The following CPEB3 variants were observed in gnomAD, a reference collection of about 807,000 sequenced individuals.
CPEB3 encodes the protein cytoplasmic polyadenylation element-binding protein 3.
A neutral mutation model predicts 67.2 loss-of-function variants in CPEB3; 20 were observed. The ratio of observed to expected loss-of-function variants is 0.30; its 90% confidence interval spans 0.21 to 0.43. CPEB3 has a LOEUF of 0.43. CPEB3 is among the 20% of genes least tolerant of loss of function. CPEB3 has a pLI of 1.00. For missense variants in CPEB3, 746 were observed against 968.6 expected, an observed-to-expected ratio of 0.77 and a Z score of 3.05; for synonymous variants, 376 against 393.1, an observed-to-expected ratio of 0.96 and a Z score of 0.51.
At position 92,122,568 on chromosome 10, in the gene CPEB3, T is replaced by C. The variant is rs111829333; in HGVS notation, c.1454-11374A>G. Among the ~76,000 whole-genome samples the C allele has an allele frequency of 2.5e-3, 375 of 152,364 alleles. 2 individuals carry two copies. The highest frequency in any genetic ancestry group is 8.1e-3 in the African/African-American group (336 of 41,592). ...GGGACTACTATCATGAGCAAATTCTTGTTCTTAAGGAGTTTATATACTAGC... is the reference window on the plus strand; with the variant it reads ...GGGACTACTATCATGAGCAAATTCTCGTTCTTAAGGAGTTTATATACTAGC... On this transcript the variant is annotated intron_variant, in intron 6 of 9. Coordinates refer to ENST00000265997, the MANE Select transcript of CPEB3 (RefSeq NM_014912.5).
intron 1 of CPEB3, among the ~76,000 whole-genome samples, chr10:92,260,365 AT>A (rs1852736710): frequency 6.6e-6 from 1 of 151,968 alleles, no homozygotes; most frequent in African/African-American, 2.4e-5. Flanking sequence ...AGCCTGACCA[AT>A]ATGATGAAAC....
At chr10:92,090,675 A>T (rs1410460893) in intron 8 of CPEB3, among the ~76,000 whole-genome samples, 6 of 152,216 alleles carry the variant, frequency 3.9e-5, no homozygotes, top group Non-Finnish European at 5.9e-5. Context: ...CCTAAATATA[A>T]CACTAGTTAG....
chr10:92,225,382 C>T (rs1345548413), intron 2 of CPEB3, among the ~76,000 whole-genome samples: 2 of 152,124 alleles, frequency 1.3e-5, no homozygotes, highest in Non-Finnish European at 2.9e-5. Context: ...TATTCGAAAA[C>T]TGAAAACAGC....
At chr10:92,134,733 T>G (rs1342776019) in intron 6 of CPEB3, among the ~76,000 whole-genome samples, 1 of 151,922 alleles carries the variant, frequency 6.6e-6, no homozygotes, top group Non-Finnish European at 1.5e-5. Flanking sequence ...AGAACAAAGC[T>G]GGAGGCATCA....
chr10:92,090,300 G>A (rs1053961036), intron 8 of CPEB3, among the ~76,000 whole-genome samples: 3 of 152,206 alleles, frequency 2.0e-5, no homozygotes, highest in Non-Finnish European at 2.9e-5. Flanking sequence ...CAACTACTTT[G>A]GGAGGCTGAG....
At chr10:92,132,571 A>G (rs141081529) in intron 6 of CPEB3, among the ~76,000 whole-genome samples, 199 of 152,272 alleles carry the variant, frequency 1.3e-3, no homozygotes, top group Middle Eastern at 6.8e-3. Context: ...ACAAAAAAAC[A>G]TTAAAGAGGG....
intron 7 of CPEB3, among the ~76,000 whole-genome samples, chr10:92,095,619 G>GTA (rs1453193148): frequency 3.7e-4 from 45 of 120,080 alleles, no homozygotes; most frequent in African/African-American, 1.2e-3. Context: ...TTTTCATTGT[G>GTA]TATATATATA....
chr10:92,205,103 G>A (rs753918772), intron 2 of CPEB3, among the ~76,000 whole-genome samples: 2 of 152,122 alleles, frequency 1.3e-5, no homozygotes, highest in Non-Finnish European at 2.9e-5. Flanking sequence ...CTCCCAAAGT[G>A]CTGGGATTAC....
intron 3 of CPEB3, among the ~76,000 whole-genome samples, chr10:92,185,933 C>G (rs1443336421): frequency 6.6e-6 from 1 of 151,862 alleles, no homozygotes; most frequent in Non-Finnish European, 1.5e-5. Flanking sequence ...TCCAAATAAC[C>G]AATAATCAAA....
At chr10:92,270,634 C>T (rs529733868) in intron 1 of CPEB3, among the ~76,000 whole-genome samples, 1 of 147,662 alleles carries the variant, frequency 6.8e-6, no homozygotes, top group African/African-American at 2.5e-5. Flanking sequence ...GTGATCTGGG[C>T]TCACTGCAGC....
intron 2 of CPEB3, among the ~76,000 whole-genome samples, chr10:92,236,780 T>C (rs1450961399): frequency 6.6e-6 from 1 of 152,118 alleles, no homozygotes; most frequent in South Asian, 2.1e-4. Context: ...AATACAGTGA[T>C]TGCTTTTGCA....
chr10:92,065,943 A>C (rs959876491), intron 9 of CPEB3, among the ~76,000 whole-genome samples: 2 of 151,842 alleles, frequency 1.3e-5, no homozygotes, highest in Non-Finnish European at 2.9e-5. Flanking sequence ...CAAAAACACA[A>C]AAAATTGGCC....
At chr10:92,252,530 A>G (rs1852342524) in intron 1 of CPEB3, among the ~76,000 whole-genome samples, 1 of 152,222 alleles carries the variant, frequency 6.6e-6, no homozygotes, top group South Asian at 2.1e-4. Flanking sequence ...AACAACCCAA[A>G]TATCCATCTG....
At chr10:92,136,538 AG>A (rs1590215357) in intron 6 of CPEB3, among the ~76,000 whole-genome samples, 1 of 152,168 alleles carries the variant, frequency 6.6e-6, no homozygotes, top group Non-Finnish European at 1.5e-5. Flanking sequence ...AGAGTTTCTA[AG>A]GATCATGTCT....
intron 2 of CPEB3, among the ~76,000 whole-genome samples, chr10:92,213,510 T>C (rs770336480): frequency 8.5e-5 from 13 of 152,242 alleles, no homozygotes; most frequent in Non-Finnish European, 1.9e-4. Context: ...TTTCGGTTCC[T>C]GGAATGGTAG....
chr10:92,188,112 C>T (rs919470840), intron 3 of CPEB3, among the ~76,000 whole-genome samples: 2 of 151,966 alleles, frequency 1.3e-5, no homozygotes, highest in Non-Finnish European at 2.9e-5. Flanking sequence ...AGGAAGACTG[C>T]TTGAGCCTGG....
intron 2 of CPEB3, among the ~76,000 whole-genome samples, chr10:92,195,097 CTAAGT>C (rs1341284844): frequency 7.3e-4 from 106 of 144,476 alleles, no homozygotes; most frequent in Middle Eastern, 3.5e-3. Context: ...AAAAAAAAAA[CTAAGT>C]TAATACTAAA....
chr10:92,227,192 C>G (rs1022743507), intron 2 of CPEB3, among the ~76,000 whole-genome samples: 3 of 152,120 alleles, frequency 2.0e-5, no homozygotes, highest in Non-Finnish European at 4.4e-5. Flanking sequence ...GTAGGGAGAG[C>G]GGAGGAGAGT....
intron 7 of CPEB3, among the ~76,000 whole-genome samples, chr10:92,104,194 G>A (rs1844325191): frequency 1.3e-5 from 2 of 152,084 alleles, no homozygotes; most frequent in South Asian, 4.1e-4. Flanking sequence ...CAAAGTAAGT[G>A]CTCAAAAAAT....
Sources: allele counts gnomAD v4.1 joint callset (sites outside exome capture counted in the v4.1 genomes callset), GRCh38; gene constraint gnomAD v4.1.1; transcripts MANE v1.5; gene names NCBI Gene and HGNC (gene_info 2026-07-23, HGNC 2026-07-21).